The following DLG2 variants were observed in gnomAD, a reference collection of about 807,000 sequenced individuals.
DLG2 encodes the protein discs large MAGUK scaffold protein 2.
Under a neutral mutation model 132.5 loss-of-function variants are expected in DLG2, and 45 were observed. That is an observed-to-expected ratio of 0.34 (90% CI 0.27 to 0.44). DLG2 has a LOEUF of 0.44. Ranked by LOEUF, DLG2 falls within the 20% of genes least tolerant of loss-of-function variation. DLG2 has a pLI of 1.00. For synonymous variants in DLG2, 424 were observed against 419.6 expected, an observed-to-expected ratio of 1.01 and a Z score of -0.13; for missense variants, 1,045 against 1,196.9, an observed-to-expected ratio of 0.87 and a Z score of 1.87.
At position 83,457,311 on chromosome 11, in the gene DLG2, C is replaced by T. The variant is rs1028745296; in HGVS notation, c.*2507G>A. On this transcript the variant is annotated 3_prime_UTR_variant, in exon 28 of 28. Transcript: ENST00000376104. Reference sequence around the variant, plus strand: ...CAGTTCATTGGAGCCATAGAGACATCAACATTGGGAAGTGCAAGACAACAC... The same window carrying T: ...CAGTTCATTGGAGCCATAGAGACATTAACATTGGGAAGTGCAAGACAACAC... 5 of 152,536 alleles carry T rather than the reference C, an allele frequency of 3.3e-5. No individual in the cohort carries two copies. The highest frequency in any genetic ancestry group is 5.9e-5 in the Non-Finnish European group (4 of 68,030). The allele number at this position is 152,536 out of a possible 1,614,324, so 9.4% of individuals were successfully genotyped here.
At chr11:83,514,137 G>A (rs976396188) in intron 21 of DLG2, among the ~76,000 whole-genome samples, 1 of 152,156 alleles carries the variant, frequency 6.6e-6, no homozygotes, top group African/African-American at 2.4e-5. Flanking sequence ...CCATTTTCAT[G>A]ATATTGATTC....
At chr11:83,518,476 G>T (rs1324002299) in intron 21 of DLG2, among the ~76,000 whole-genome samples, 1 of 152,086 alleles carries the variant, frequency 6.6e-6, no homozygotes, top group African/African-American at 2.4e-5. Flanking sequence ...TCCCGGGTGA[G>T]GCAATGCCTC....
intron 5 of DLG2, among the ~76,000 whole-genome samples, chr11:85,152,428 G>A (rs1224451846): frequency 1.3e-5 from 2 of 151,912 alleles, no homozygotes; most frequent in Non-Finnish European, 1.5e-5. Context: ...TAGTAGAGAT[G>A]GGGTTTCACC....
At chr11:83,493,440 G>A (rs570721102) in intron 21 of DLG2, among the ~76,000 whole-genome samples, 11 of 140,994 alleles carry the variant, frequency 7.8e-5, no homozygotes, top group African/African-American at 2.6e-4. Context: ...ATACACATTT[G>A]TTTATTTTCT....
chr11:84,265,667 C>G (rs1172966867), intron 7 of DLG2, among the ~76,000 whole-genome samples: 1 of 151,872 alleles, frequency 6.6e-6, no homozygotes, highest in African/African-American at 2.4e-5. Flanking sequence ...AAAATTGTAA[C>G]AAGATAAATA....
intron 5 of DLG2, among the ~76,000 whole-genome samples, chr11:85,124,723 A>G (rs997268859): frequency 6.6e-6 from 1 of 152,250 alleles, no homozygotes; most frequent in African/African-American, 2.4e-5. Context: ...AAAATCTTAT[A>G]TTCCAAACAT....
At chr11:85,216,032 C>T (rs1554990368) in intron 4 of DLG2, among the ~76,000 whole-genome samples, 5 of 147,086 alleles carry the variant, frequency 3.4e-5, no homozygotes, top group Non-Finnish European at 3.0e-5. Context: ...AAAAAGGAAG[C>T]ACAGACTGGC....
chr11:83,769,994 T>C (rs2094318639), intron 18 of DLG2, among the ~76,000 whole-genome samples: 1 of 152,202 alleles, frequency 6.6e-6, no homozygotes, highest in Non-Finnish European at 1.5e-5. Flanking sequence ...AAAACCCAAG[T>C]TTATTTCTCT....
chr11:83,568,780 C>T (rs958054164), intron 19 of DLG2, among the ~76,000 whole-genome samples: 1 of 152,156 alleles, frequency 6.6e-6, no homozygotes, highest in African/African-American at 2.4e-5. Context: ...CTCTCATCCC[C>T]TCCCAGGTTG....
intron 21 of DLG2, among the ~76,000 whole-genome samples, chr11:83,513,998 A>C (rs1040337457): frequency 1.6e-4 from 24 of 152,158 alleles, no homozygotes; most frequent in African/African-American, 5.3e-4. Context: ...CTTAGGATTG[A>C]CTTGGCAATG....
In DLG2 at chr11:85,427,417, C is replaced by A. The variant is rs541458018; in HGVS notation, c.41-142052G>T. Among the ~76,000 whole-genome samples the A allele has an allele frequency of 5.3e-5, 8 of 152,224 alleles. 1 individual carries two copies. The highest frequency in any genetic ancestry group is 4.6e-4 in the Admixed American group (7 of 15,290). On this transcript the variant is annotated intron_variant, in intron 3 of 27. Transcript: ENST00000376104. ...CACAAAGGGAAGGCCATCAGACTAACAGCTGATCTCTTGGCAGAAACTCTA... is the reference window on the plus strand; with the variant it reads ...CACAAAGGGAAGGCCATCAGACTAAAAGCTGATCTCTTGGCAGAAACTCTA...
At chr11:84,499,306 T>C (rs1459712981) in intron 7 of DLG2, among the ~76,000 whole-genome samples, 1 of 152,326 alleles carries the variant, frequency 6.6e-6, no homozygotes, top group East Asian at 1.9e-4. Context: ...TAATCCCTGA[T>C]AATGGCAGAT....
intron 19 of DLG2, among the ~76,000 whole-genome samples, chr11:83,581,045 A>G (rs551222959): frequency 6.6e-6 from 1 of 151,606 alleles, no homozygotes; most frequent in Non-Finnish European, 1.5e-5. Flanking sequence ...GCACTCTGAG[A>G]GACAAGTTTG....
At chr11:84,672,258 A>C (rs955385131) in intron 6 of DLG2, among the ~76,000 whole-genome samples, 1 of 152,120 alleles carries the variant, frequency 6.6e-6, no homozygotes, top group Non-Finnish European at 1.5e-5. Context: ...AAGCTTCTTC[A>C]AGAGAGATCC....
Position 84,668,068 on chromosome 11 carries a change from G to T in DLG2, c.358-133337C>A, listed in dbSNP as rs139268341. 1.6e-4 allele frequency among the ~76,000 whole-genome samples: 24 copies of T among 152,242 alleles called. No homozygotes were observed. In the East Asian group the frequency reaches 4.4e-3, roughly 28 times the overall value. On this transcript the variant is annotated intron_variant, in intron 6 of 27. Transcript: ENST00000376104. ...ACACCTGCTATATGAGAGTATAAAA[G>T]TTAACCACTTTGAGTATGAAGTGCC...
intron 15 of DLG2, among the ~76,000 whole-genome samples, chr11:83,880,022 G>A (rs2065772520): frequency 6.6e-6 from 1 of 152,180 alleles, no homozygotes; most frequent in Non-Finnish European, 1.5e-5. Flanking sequence ...CCAAGATCAT[G>A]AAGGGTCAAA....
At chr11:84,872,448 T>G (rs533589987) in intron 6 of DLG2, among the ~76,000 whole-genome samples, 1 of 152,304 alleles carries the variant, frequency 6.6e-6, no homozygotes, top group East Asian at 1.9e-4. Context: ...CTTGAGGATC[T>G]TAAGGGTAGT....
At chr11:84,882,419 A>T (rs1204210263) in intron 6 of DLG2, among the ~76,000 whole-genome samples, 3 of 152,100 alleles carry the variant, frequency 2.0e-5, no homozygotes, top group Non-Finnish European at 4.4e-5. Context: ...GTAACAAAAC[A>T]AGCCTTCTCC....
At chr11:84,585,228 T>G (rs1289489094) in intron 6 of DLG2, among the ~76,000 whole-genome samples, 2 of 152,210 alleles carry the variant, frequency 1.3e-5, no homozygotes, top group African/African-American at 4.8e-5. Flanking sequence ...TTTAATTAAC[T>G]CATTAAGTCC....
Sources: gnomAD v4.1 joint callset for allele counts (sites outside exome capture counted in the v4.1 genomes callset) on GRCh38, gnomAD v4.1.1 for gene constraint, MANE v1.5 for transcripts, NCBI Gene and HGNC (gene_info 2026-07-23, HGNC 2026-07-21) for gene names.